Variants in RBM47 observed in about 807,000 individuals in gnomAD.
RBM47 encodes RNA-binding protein 47.
Under a neutral mutation model 47.1 loss-of-function variants are expected in RBM47, and 21 were observed. The observed-to-expected ratio is 0.45, with a 90% CI of 0.32 to 0.64. The LOEUF (loss-of-function observed/expected upper bound fraction) is 0.64. RBM47 is among the 30% of genes least tolerant of loss of function. The pLI is 0.05. For synonymous variants in RBM47, 375 were observed against 361.7 expected (o/e 1.04, Z -0.42); for missense variants, 708 against 870.9 (o/e 0.81, Z 2.35).
intron 1 of RBM47, among the ~76,000 whole-genome samples, chr4:40,607,769 C>T (rs1373832347): frequency 1.3e-5 from 2 of 151,888 alleles, no homozygotes; most frequent in East Asian, 1.9e-4. Flanking sequence ...GGTTGCACAA[C>T]TTTGTGAATT....
Position 40,436,528 on chromosome 4 carries a change from T to G in RBM47, c.1243A>C (p.Lys415Gln). ...RGIYSRYHEG[K>Q]GKQQEKGYEL... ...TATCCTTTTTCTTGCTGCTTTCCTT[T>G]CCCTTCATGATATCGGCTATATATA... Residue 415 changes from lysine to glutamine, a missense_variant, in exon 5 of 7, where the codon AAA (lysine) becomes CAA (glutamine). Transcript: ENST00000295971. 3 of 1,614,170 alleles carry G rather than the reference T, an allele frequency of 1.9e-6. No homozygotes were observed. The highest frequency in any genetic ancestry group is 2.5e-6 in the Non-Finnish European group (3 of 1,180,020).
chr4:40,615,928 C>G (rs1336894369), intron 1 of RBM47, among the ~76,000 whole-genome samples: 1 of 152,182 alleles, frequency 6.6e-6, no homozygotes, highest in Non-Finnish European at 1.5e-5. Flanking sequence ...ATGGGCTCCA[C>G]TGGTGTTGAC....
At chr4:40,505,143 T>C (rs912028883) in intron 2 of RBM47, among the ~76,000 whole-genome samples, 4 of 152,044 alleles carry the variant, frequency 2.6e-5, no homozygotes, top group Non-Finnish European at 5.9e-5. Context: ...GTGGCTGTAA[T>C]TGCACCACTG....
intron 2 of RBM47, among the ~76,000 whole-genome samples, chr4:40,483,755 A>T (rs1560408383): frequency 6.6e-6 from 1 of 152,326 alleles, no homozygotes; most frequent in East Asian, 1.9e-4. Flanking sequence ...TTTTTAATCA[A>T]CCAATAAAAT....
intron 2 of RBM47, among the ~76,000 whole-genome samples, chr4:40,504,434 G>A (rs2154251159): frequency 6.6e-6 from 1 of 152,018 alleles, no homozygotes; most frequent in South Asian, 2.1e-4. Context: ...GGGATTACAG[G>A]TGCCCGCCAC....
intron 1 of RBM47, among the ~76,000 whole-genome samples, chr4:40,607,875 C>A (rs954672480): frequency 2.0e-5 from 3 of 152,048 alleles, no homozygotes; most frequent in Admixed American, 1.3e-4. Context: ...GAGGTTGAGG[C>A]GGAAAGATTG....
chr4:40,444,219 C>T (rs181894588), intron 3 of RBM47, among the ~76,000 whole-genome samples: 21 of 152,118 alleles, frequency 1.4e-4, no homozygotes, highest in African/African-American at 4.1e-4. Context: ...ACAACAATAA[C>T]GAAAAGGAAA....
intron 1 of RBM47, among the ~76,000 whole-genome samples, chr4:40,601,640 G>C (rs1038884836): frequency 7.2e-5 from 11 of 152,128 alleles, no homozygotes; most frequent in African/African-American, 2.4e-4. Flanking sequence ...AAAAAGCTTC[G>C]CTTGCTTGTT....
At chr4:40,618,434 AAAATAAG>A in intron 1 of RBM47, among the ~76,000 whole-genome samples, 1 of 152,208 alleles carries the variant, frequency 6.6e-6, no homozygotes, top group South Asian at 2.1e-4. Flanking sequence ...AAAATAAAAT[AAAATAAG>A]AAATACTTTT....
chr4:40,438,199 T>G lies in RBM47; in HGVS notation c.695A>C (p.Glu232Ala). 6.2e-7 allele frequency: 1 copy of G among 1,606,966 alleles called. No homozygotes were observed. The highest frequency in any genetic ancestry group is 8.5e-7 in the Non-Finnish European group (1 of 1,179,928). Residue 232 changes from glutamate (E) to alanine (A), a missense_variant, in exon 4 of 7, where the codon GAA (glutamate) becomes GCA (alanine). Physicochemically the swap from Glu to Ala is moderately radical, Grantham distance 107. Coordinates refer to ENST00000295971, the MANE Select transcript of RBM47 (RefSeq NM_001098634.2). Reference sequence around the variant, plus strand: ...GTCCTCGTCCACGTCGATCTCAGGTTCGGCCCAGTCCACGGCGATCTGGTG... The same window carrying G: ...GTCCTCGTCCACGTCGATCTCAGGTGCGGCCCAGTCCACGGCGATCTGGTG... ...WGHQIAVDWA[E>A]PEIDVDEDVM...
At chr4:40,536,900 T>C (rs1407426623) in intron 2 of RBM47, among the ~76,000 whole-genome samples, 1 of 152,046 alleles carries the variant, frequency 6.6e-6, no homozygotes, top group Non-Finnish European at 1.5e-5. Context: ...TAAGTTTTTG[T>C]ATTTTTAGTA....
chr4:40,448,066 G>A (rs1456953229), intron 3 of RBM47, among the ~76,000 whole-genome samples: 1 of 151,380 alleles, frequency 6.6e-6, no homozygotes, highest in African/African-American at 2.4e-5. Context: ...GCATGGTGGC[G>A]GGTGCCTGTA....
chr4:40,529,834 TAATAAATAAATAAATAAATAAATA>T (rs200058463), intron 2 of RBM47, among the ~76,000 whole-genome samples: 6 of 137,336 alleles, frequency 4.4e-5, no homozygotes, highest in Admixed American at 1.5e-4. Context: ...ATCTAAAAAA[TAATAAATAAATAAATAAATAAATA>T]AATAAATAAA....
At chr4:40,509,882 C>CAA (rs35409771) in intron 2 of RBM47, among the ~76,000 whole-genome samples, 87 of 126,616 alleles carry the variant, frequency 6.9e-4, no homozygotes, top group Non-Finnish European at 1.1e-3. Context: ...GACTCCGTCT[C>CAA]AAAAAAAAAA....
chr4:40,584,145 A>T (rs1186319685), intron 1 of RBM47, among the ~76,000 whole-genome samples: 2 of 152,018 alleles, frequency 1.3e-5, no homozygotes, highest in Non-Finnish European at 2.9e-5. Context: ...TGTGTTTTTT[A>T]TAGAGATGGA....
Position 40,449,342 on chromosome 4 carries a change from T to A in RBM47, c.-31-10418A>T, listed in dbSNP as rs115065890. Among the ~76,000 whole-genome samples the A allele has an allele frequency of 7.1e-3, 1,074 of 152,278 alleles. 17 individuals are homozygous for A. Among genetic ancestry groups the A allele is most frequent in the African/African-American group, 0.025 (1,022 of 41,558 alleles). On this transcript the variant is annotated intron_variant, in intron 3 of 6. Coordinates refer to ENST00000295971, the MANE Select transcript of RBM47 (RefSeq NM_001098634.2). ...TGAAGATACAAGGGAATAATGACAT[T>A]CCGGGCCATGCCTTCTGCCCACCCC...
In RBM47 at chr4:40,433,998, CGG is replaced by C. The variant is rs138012744; in HGVS notation, c.1331-1138_1331-1137del. Among the ~76,000 whole-genome samples the C allele has an allele frequency of 9.5e-5, 4 of 42,074 alleles. 2 individuals are homozygous for C. Among genetic ancestry groups the C allele is most frequent in the African/African-American group, 3.8e-4 (4 of 10,424 alleles). 27.6% of individuals were successfully genotyped at this position (42,074 alleles called of 152,430 possible). ...TTTGTGTGAGTGTGTGTGTGTGGGG[CGG>C]GGGTGTGTGTGTGTGTGTGTGTGTG... On this transcript the variant is annotated intron_variant, in intron 5 of 6. Coordinates refer to ENST00000295971, the MANE Select transcript of RBM47 (RefSeq NM_001098634.2).
Position 40,438,830 on chromosome 4 carries a change from C to A in RBM47, c.64G>T (p.Val22Leu). Reference protein sequence around the residue: ...SDSAAGSSAKVPEGVAGAPNE... With the variant: ...SDSAAGSSAKLPEGVAGAPNE... ...GGCGCGCCCGCCACGCCCTCGGGCA[C>A]CTTGGCGGAGGACCCGGCGGCCGAG... Residue 22 changes from valine (V) to leucine (L), a missense_variant, in exon 4 of 7, where the codon GTG becomes TTG. Transcript: ENST00000295971. 6.4e-7 allele frequency: 1 copy of A among 1,558,190 alleles called. No homozygotes were observed.
At chr4:40,527,182 G>A (rs115690897) in intron 2 of RBM47, among the ~76,000 whole-genome samples, 5 of 152,082 alleles carry the variant, frequency 3.3e-5, no homozygotes, top group Non-Finnish European at 7.4e-5. Context: ...CAGTGTCGTG[G>A]TGTGATCTTG....
Sources: allele counts gnomAD v4.1 joint callset (sites outside exome capture counted in the v4.1 genomes callset), GRCh38; gene constraint gnomAD v4.1.1; transcripts MANE v1.5; gene names NCBI Gene and HGNC (gene_info 2026-07-23, HGNC 2026-07-21).